Variants in OTOP3 observed in about 807,000 individuals in gnomAD.
OTOP3 encodes the protein otopetrin 3, also known as proton channel OTOP3.
A neutral mutation model predicts 50.8 loss-of-function variants in OTOP3; 41 were observed. The ratio of observed to expected loss-of-function variants is 0.81; its 90% CI spans 0.63 to 1.05. The LOEUF (loss-of-function observed/expected upper bound fraction) is 1.05, where lower values mean the gene tolerates loss of function less well. Among genes scored for constraint, OTOP3 ranks in the 50% least tolerant of loss-of-function variants. The pLI is 0.00. For missense variants in OTOP3, 788 were observed against 760.8 expected, an observed-to-expected ratio of 1.04 and a Z score of -0.42; for synonymous variants, 320 against 324.4, an observed-to-expected ratio of 0.99 and a Z score of 0.14.
At chr17:74,948,531 A>T (rs943692866) in intron 6 of OTOP3, among the ~76,000 whole-genome samples, 9 of 152,162 alleles carry the variant, frequency 5.9e-5, no homozygotes, top group Non-Finnish European at 1.0e-4. Flanking sequence ...ATGGTGGTGC[A>T]CACCTGTAAT....
chr17:74,949,094 G>A (rs779439975), intron 6 of OTOP3, 152 bp from the exon 7 acceptor site: 45 of 731,648 alleles, frequency 6.2e-5, no homozygotes, highest in Non-Finnish European at 9.6e-5. Flanking sequence ...GGAAAGAAGA[G>A]CTCACGCTGA....
At chr17:74,940,201 C>A (rs1333522846) in intron 1 of OTOP3, among the ~76,000 whole-genome samples, 1 of 115,790 alleles carries the variant, frequency 8.6e-6, no homozygotes, top group African/African-American at 3.4e-5. Context: ...GAGATGGTGT[C>A]TTCCTATGTT....
At position 74,949,587 on chromosome 17, in the gene OTOP3, A is replaced by G. The variant is rs1041025454; in HGVS notation, c.*171A>G. ...AGGGCACTGCCTAGAGCCAGAGGCC[A>G]ACAGCAGGGGCCTGGACACTGAGCT... On this transcript the variant is annotated 3_prime_UTR_variant, in exon 7 of 7. Coordinates refer to ENST00000328801, the MANE Select transcript of OTOP3 (RefSeq NM_001272005.2). 1.5e-5 allele frequency: 11 copies of G among 730,996 alleles called. No homozygotes were observed. The highest frequency in any genetic ancestry group is 5.8e-5 in the South Asian group (3 of 51,724). 45.3% of individuals were successfully genotyped at this position (730,996 alleles called of 1,614,324 possible). A position where few individuals can be genotyped will look rare whatever the true frequency, so the allele number is the denominator to read the frequency against.
Position 74,949,700 on chromosome 17 carries a change from G to C in OTOP3, c.*284G>C. 1 of 400,680 alleles carries C rather than the reference G, an allele frequency of 2.5e-6. No homozygotes were observed. Among genetic ancestry groups the C allele is most frequent in the Non-Finnish European group, 4.5e-6 (1 of 223,632 alleles). The allele number at this position is 400,680 out of a possible 1,614,324, so 24.8% of individuals were successfully genotyped here. A position where few individuals can be genotyped will look rare whatever the true frequency, so the allele number is the denominator to read the frequency against. On this transcript the variant is annotated 3_prime_UTR_variant, in exon 7 of 7. Transcript: ENST00000328801. Reference sequence around the variant, plus strand: ...AGCCAAGGGTGCACCCCAGGAGGCTGGCAGGGGCCCCCTCACGGCTACTCT... The same window carrying C: ...AGCCAAGGGTGCACCCCAGGAGGCTCGCAGGGGCCCCCTCACGGCTACTCT...
chr17:74,943,677 A>G lies in OTOP3; in HGVS notation c.704A>G (p.His235Arg), dbSNP rs1407772986. Residue 235 changes from histidine (H) to arginine (R), a missense_variant, in exon 5 of 7, where the codon CAC becomes CGC. Transcript: ENST00000328801. ...WVLAVTNDSM[H>R]REIEAELGIL... ...CTGGCCGTTACCAATGACTCCATGC[A>G]CCGAGAGATCGAAGCTGAGCTTGGC... 2.5e-6 allele frequency: 4 copies of G among 1,612,212 alleles called. No individual in the cohort carries two copies. The highest frequency in any genetic ancestry group is 3.4e-6 in the Non-Finnish European group (4 of 1,179,968).
chr17:74,940,132 C>CACACACACAT (rs1457396683), intron 1 of OTOP3, among the ~76,000 whole-genome samples: 57 of 118,240 alleles, frequency 4.8e-4, no homozygotes, highest in African/African-American at 1.6e-3. Flanking sequence ...CACACACACA[C>CACACACACAT]ATACATATAT....
In OTOP3 at chr17:74,938,204, A is replaced by G. The variant is rs2039137344; in HGVS notation, c.19+2264A>G. 2.6e-5 allele frequency among the ~76,000 whole-genome samples: 4 copies of G among 152,152 alleles called. 2 individuals carry two copies. The South Asian group carries it at 8.3e-4, about 32-fold the overall frequency. On this transcript the variant is annotated intron_variant, in intron 1 of 6. Coordinates refer to ENST00000328801, the MANE Select transcript of OTOP3 (RefSeq NM_001272005.2). ...GAAGAGAACAGCAGAAGGTATAAAT[A>G]TGGAGCAGGTGGAGAATGGGAGAAT...
chr17:74,942,840 G>A (rs2039190530), intron 3 of OTOP3, among the ~76,000 whole-genome samples: 1 of 152,014 alleles, frequency 6.6e-6, no homozygotes, highest in African/African-American at 2.4e-5. Flanking sequence ...AGCTACTCAG[G>A]AGGCTGAGGC....
intron 1 of OTOP3, among the ~76,000 whole-genome samples, chr17:74,940,477 C>T (rs778232584): frequency 1.1e-4 from 16 of 152,166 alleles, no homozygotes; most frequent in Non-Finnish European, 1.9e-4. Flanking sequence ...CCCCAGGCTG[C>T]GGACCAGTAC....
At chr17:74,946,119 A>T (rs1264945794) in intron 5 of OTOP3, among the ~76,000 whole-genome samples, 2 of 152,044 alleles carry the variant, frequency 1.3e-5, no homozygotes, top group African/African-American at 4.8e-5. Context: ...CTGGGATTAC[A>T]GGCACGTGCC....
At position 74,941,568 on chromosome 17, in the gene OTOP3, C is replaced by T. The variant is rs376077842; in HGVS notation, c.195C>T (p.Ala65=). 80 of 1,611,462 alleles carry T rather than the reference C, an allele frequency of 5.0e-5. No homozygotes were observed. The East Asian group carries it at 1.2e-3, about 25-fold the overall frequency. Reference sequence around the variant, plus strand: ...TGCTGCTGCGGCGGGACCGGCAGGCCCAGAAGGCTGGACAACTCTTCTCGG... The same window carrying T: ...TGCTGCTGCGGCGGGACCGGCAGGCTCAGAAGGCTGGACAACTCTTCTCGG... ...FSLLLRRDRQ[A]QKAGQLFSGL... is the part of the protein sequence containing the mutation. Residue 65 remains alanine, a synonymous_variant, in exon 2 of 7, where the codon GCC becomes GCT. Coordinates refer to ENST00000328801, the MANE Select transcript of OTOP3 (RefSeq NM_001272005.2).
At position 74,949,580 on chromosome 17, in the gene OTOP3, A is replaced by T; in HGVS notation, c.*164A>T. On this transcript the variant is annotated 3_prime_UTR_variant, in exon 7 of 7. Transcript: ENST00000328801. ...GAAGGGGAGGGCACTGCCTAGAGCC[A>T]GAGGCCAACAGCAGGGGCCTGGACA... 5 of 766,956 alleles carry T rather than the reference A, an allele frequency of 6.5e-6. No individual in the cohort carries two copies. Among genetic ancestry groups the T allele is most frequent in the Non-Finnish European group, 8.1e-6 (4 of 492,224 alleles). The allele number at this position is 766,956 out of a possible 1,614,324, so 47.5% of individuals were successfully genotyped here. A position where few individuals can be genotyped will look rare whatever the true frequency, so the allele number is the denominator to read the frequency against.
At chr17:74,939,064 C>T (rs1393194671) in intron 1 of OTOP3, among the ~76,000 whole-genome samples, 1 of 152,042 alleles carries the variant, frequency 6.6e-6, no homozygotes, top group East Asian at 1.9e-4. Context: ...GTCCCAACTA[C>T]TCATGAGGCT....
Position 74,943,649 on chromosome 17 carries a change from G to A in OTOP3, c.676G>A (p.Val226Ile), listed in dbSNP as rs1263903983. 5 of 1,613,544 alleles carry A rather than the reference G, an allele frequency of 3.1e-6. No homozygotes were observed. The South Asian group carries it at 5.5e-5, about 18-fold the overall frequency. ...CCTGGCCACAAACCTGCTGCTGTGGGTTCTGGCCGTTACCAATGACTCCAT... is the reference window on the plus strand; with the variant it reads ...CCTGGCCACAAACCTGCTGCTGTGGATTCTGGCCGTTACCAATGACTCCAT... ...LTLATNLLLW[V>I]LAVTNDSMHR... Residue 226 changes from valine to isoleucine, a missense_variant, in exon 5 of 7, where the codon GTT becomes ATT. Physicochemically the swap from Val to Ile is conservative, Grantham distance 29. Transcript: ENST00000328801.
rs73363064 is a variant in OTOP3, at chr17:74,941,882, C to G, written c.437-19C>G. 1.3e-6 allele frequency: 2 copies of G among 1,594,500 alleles called. No individual in the cohort carries two copies. The highest frequency in any genetic ancestry group is 2.2e-5 in the East Asian group (1 of 44,574). On this transcript the variant is annotated intron_variant, in intron 2 of 6. Transcript: ENST00000328801. The stretch of plus-strand genomic sequence containing the variant: ...CCGGTTCCGCGCAGGTGCCAACGCC[C>G]GCCCACATGTCCGGCCAGGTTCCCT...
chr17:74,948,532 C>T (rs1036661144), intron 6 of OTOP3, among the ~76,000 whole-genome samples: 6 of 152,016 alleles, frequency 3.9e-5, no homozygotes, highest in Non-Finnish European at 8.8e-5. Flanking sequence ...TGGTGGTGCA[C>T]ACCTGTAATT....
intron 1 of OTOP3, among the ~76,000 whole-genome samples, chr17:74,938,168 C>T (rs1191372105): frequency 6.6e-6 from 1 of 152,046 alleles, no homozygotes; most frequent in Non-Finnish European, 1.5e-5. Flanking sequence ...TTTAGTGCTC[C>T]ATCTGCCCCA....
At chr17:74,935,834 G>T, upstream of OTOP3, 1 of 1,526,328 alleles carries the variant, frequency 6.6e-7, no homozygotes, top group Non-Finnish European at 8.9e-7. Context: ...CGGCTGCGCA[G>T]TCCCGCTGGG....
In OTOP3 at chr17:74,947,150, T is replaced by TC. The variant is rs1190177639; in HGVS notation, c.1242dup (p.Ser415LeufsTer12). On this transcript the variant is annotated frameshift_variant, in exon 6 of 7. Transcript: ENST00000328801. LOFTEE classifies it high-confidence loss of function. ...CTGGGCCAGATGGGCATCGCCTATT[T>TC]CTCCATCGTGGCCATTGTGGCCAAG... 6.2e-7 allele frequency: 1 copy of TC among 1,614,050 alleles called. No individual in the cohort carries two copies. The highest frequency in any genetic ancestry group is 1.7e-5 in the Admixed American group (1 of 60,032).
Sources: allele counts gnomAD v4.1 joint callset (sites outside exome capture counted in the v4.1 genomes callset), GRCh38; gene constraint gnomAD v4.1.1; transcripts MANE v1.5; gene names NCBI Gene and HGNC (gene_info 2026-07-23, HGNC 2026-07-21).